The following AFG2A variants were observed in gnomAD, a reference collection of about 807,000 sequenced individuals.
The protein encoded by AFG2A is AAA ATPase AFG2A.
At chr4:123,039,998 T>A in the AFG2A span, among the ~76,000 whole-genome samples, 1,760 of 152,188 alleles carry the variant, frequency 0.012, 49 homozygotes, top group South Asian at 0.11. Flanking sequence ...ATTTACTCAT[T>A]TTTATGTTAA....
the AFG2A span, among the ~76,000 whole-genome samples, chr4:123,080,229 T>G: frequency 2.0e-5 from 3 of 152,222 alleles, no homozygotes; most frequent in East Asian, 3.9e-4. Context: ...CATGATGGGA[T>G]TAGTGCCTTT....
the AFG2A span, among the ~76,000 whole-genome samples, chr4:123,279,734 T>C: frequency 3.9e-5 from 6 of 152,332 alleles, no homozygotes; most frequent in South Asian, 1.0e-3. Flanking sequence ...GACTGTCCAA[T>C]GTAGATGTCA....
chr4:123,028,057 G>A, the AFG2A span: 1 of 730,302 alleles, frequency 1.4e-6, no homozygotes, highest in Non-Finnish European at 2.2e-6. Context: ...TTTTTTAAAG[G>A]ATTTTCCTGA....
chr4:122,968,940 T>C, the AFG2A span, among the ~76,000 whole-genome samples: 1 of 152,162 alleles, frequency 6.6e-6, no homozygotes, highest in Admixed American at 6.5e-5. Flanking sequence ...CTGTCAAGTA[T>C]CTATTCAATT....
chr4:123,203,216 A>T, the AFG2A span, among the ~76,000 whole-genome samples: 1 of 150,682 alleles, frequency 6.6e-6, no homozygotes, highest in African/African-American at 2.4e-5. Context: ...CAGTGGCATG[A>T]TCTCAGCTCA....
chr4:123,054,972 C>T, the AFG2A span, among the ~76,000 whole-genome samples: 1 of 152,062 alleles, frequency 6.6e-6, no homozygotes, highest in Admixed American at 6.6e-5. Flanking sequence ...TATACTGTGG[C>T]CAGAATCATC....
the AFG2A span, among the ~76,000 whole-genome samples, chr4:123,152,369 T>A: frequency 6.6e-6 from 1 of 152,160 alleles, no homozygotes; most frequent in Admixed American, 6.5e-5. Context: ...ACACATCTGA[T>A]AAAGGACTGT....
the AFG2A span, chr4:123,314,427 A>T: frequency 6.4e-6 from 1 of 155,454 alleles, no homozygotes; most frequent in Admixed American, 6.5e-5. Context: ...ACAGGGATAT[A>T]AAAAAGTATA....
chr4:123,071,233 C>T, the AFG2A span, among the ~76,000 whole-genome samples: 2 of 152,190 alleles, frequency 1.3e-5, no homozygotes, highest in African/African-American at 4.8e-5. Context: ...GTAATCCCAG[C>T]ACTTTGGGAG....
At chr4:123,021,834 C>G in the AFG2A span, among the ~76,000 whole-genome samples, 40 of 152,152 alleles carry the variant, frequency 2.6e-4, no homozygotes, top group South Asian at 6.7e-3. Flanking sequence ...GGTACCAAAA[C>G]AGAGATATAG....
the AFG2A span, among the ~76,000 whole-genome samples, chr4:123,216,061 T>G: frequency 6.6e-6 from 1 of 152,164 alleles, no homozygotes; most frequent in South Asian, 2.1e-4. Context: ...CCTTACCTAC[T>G]GAATCTAAAA....
At chr4:123,203,300 T>C in the AFG2A span, among the ~76,000 whole-genome samples, 1 of 150,720 alleles carries the variant, frequency 6.6e-6, no homozygotes, top group Non-Finnish European at 1.5e-5. Context: ...ACAGGTGCTC[T>C]CCACCACGCC....
the AFG2A span, among the ~76,000 whole-genome samples, chr4:123,064,054 T>G: frequency 6.6e-6 from 1 of 152,214 alleles, no homozygotes; most frequent in Admixed American, 6.5e-5. Flanking sequence ...AACCAATATT[T>G]TATCTCTTCT....
the AFG2A span, among the ~76,000 whole-genome samples, chr4:123,101,028 C>T: frequency 1.3e-5 from 2 of 151,962 alleles, no homozygotes; most frequent in Non-Finnish European, 2.9e-5. Flanking sequence ...ATCTTCCCAA[C>T]TTGTCAACTG....
the AFG2A span, among the ~76,000 whole-genome samples, chr4:123,011,327 A>G: frequency 1.3e-5 from 2 of 152,242 alleles, no homozygotes; most frequent in African/African-American, 2.4e-5. Context: ...CATGTATACA[A>G]AAACTTTATT....
chr4:123,082,913 T>G, the AFG2A span, among the ~76,000 whole-genome samples: 9 of 152,152 alleles, frequency 5.9e-5, no homozygotes, highest in African/African-American at 9.6e-5. Context: ...CTCATTTTTT[T>G]GGGGTGCTAA....
At chr4:122,963,660 C>A in the AFG2A span, among the ~76,000 whole-genome samples, 26 of 152,222 alleles carry the variant, frequency 1.7e-4, no homozygotes, top group Middle Eastern at 6.8e-3. Context: ...GTGCTTAGTT[C>A]CCTACTTGGG....
the AFG2A span, among the ~76,000 whole-genome samples, chr4:123,058,436 C>G: frequency 1.3e-5 from 2 of 152,122 alleles, no homozygotes; most frequent in Non-Finnish European, 2.9e-5. Context: ...ACTAGCCTGG[C>G]CCACATGGTG....
chr4:122,929,303 T>G, the AFG2A span: 1 of 1,318,696 alleles, frequency 7.6e-7, no homozygotes, highest in Admixed American at 3.1e-5. Context: ...CTTGTAACAT[T>G]TTAAAAAGTA....
Sources: gnomAD v4.1 joint callset for allele counts (sites outside exome capture counted in the v4.1 genomes callset) on GRCh38, gnomAD v4.1.1 for gene constraint, MANE v1.5 for transcripts, NCBI Gene and HGNC (gene_info 2026-07-23, HGNC 2026-07-21) for gene names.